Variants in PRRT2 observed in about 807,000 individuals in gnomAD.
PRRT2 encodes proline rich transmembrane protein 2.
In PRRT2, 9 loss-of-function variants were observed where a neutral mutation model predicts 24.7. The ratio of observed to expected loss-of-function variants is 0.36; its 90% CI spans 0.22 to 0.64. The LOEUF is 0.64. Ranked by LOEUF, PRRT2 falls within the 30% of genes least tolerant of loss-of-function variation. The pLI is 0.65. For synonymous variants in PRRT2, 195 were observed against 175.5 expected (o/e 1.11, Z -0.88); for missense variants, 460 against 435.0 (o/e 1.06, Z -0.51).
chr16:29,813,786 C>G lies in PRRT2; in HGVS notation c.732C>G (p.Ser244Arg). The G allele has an allele frequency of 6.2e-7, 1 of 1,605,670 alleles. No individual in the cohort carries two copies. Among genetic ancestry groups the G allele is most frequent in the Non-Finnish European group, 8.5e-7 (1 of 1,175,902 alleles). The change falls in exon 2 of 4, where the codon AGC becomes AGG. Residue 244 changes from serine to arginine, a missense_variant. Ser to Arg is a moderately radical substitution (Grantham distance 110, BLOSUM62 -1). Coordinates refer to ENST00000358758, the MANE Select transcript of PRRT2 (RefSeq NM_145239.3). ...CAGGATCTCCCCGAGGTAGCCTGAG[C>G]CGCCACCCCAGCTCCCAGTTGGCAG... ...GHPGSPRGSL[S>R]RHPSSQLAGP...
chr16:29,812,866 C>T (rs975981178), intron 1 of PRRT2, 124 bp from the exon 2 acceptor site: 1 of 596,218 alleles, frequency 1.7e-6, no homozygotes, highest in Admixed American at 3.3e-5. Flanking sequence ...GAAACCCCAA[C>T]TTTTCTTCCT....
At position 29,813,852 on chromosome 16, in the gene PRRT2, G is replaced by A. The variant is rs950332475; in HGVS notation, c.798G>A (p.Arg266=). The A allele has an allele frequency of 6.2e-7, 1 of 1,613,616 alleles. No homozygotes were observed. Among genetic ancestry groups the A allele is most frequent in the Non-Finnish European group, 8.5e-7 (1 of 1,179,798 alleles). Residue 266 remains arginine (R), a synonymous_variant, in exon 2 of 4, where the codon CGG becomes CGA. Transcript: ENST00000358758. ...GGGGTGAAGGCACCCAGAAACCTCG[G>A]GACTACATCATCCTTGCCATCCTGT... ...VEGGEGTQKP[R]DYIILAILSC... is the part of the protein sequence containing the mutation.
chr16:29,814,836 C>T lies in PRRT2; in HGVS notation c.*198C>T. ...TCTGCCAACTGTAGGCCTGCCTCAT[C>T]CCTGCACTGGTTCCAACCTCCCTGC... On this transcript the variant is annotated 3_prime_UTR_variant, in exon 4 of 4. Coordinates refer to ENST00000358758, the MANE Select transcript of PRRT2 (RefSeq NM_145239.3). This position sits in a 1 kb window ranked among gnomAD's most constrained non-coding sequence, Gnocchi z 4.1. 1 of 594,366 alleles carries T rather than the reference C, an allele frequency of 1.7e-6. No homozygotes were observed. Among genetic ancestry groups the T allele is most frequent in the Non-Finnish European group, 2.9e-6 (1 of 343,044 alleles). The allele number at this position is 594,366 out of a possible 1,614,324, so 36.8% of individuals were successfully genotyped here. A position where few individuals can be genotyped will look rare whatever the true frequency, so the allele number is the denominator to read the frequency against.
Position 29,815,172 on chromosome 16 carries a change from A to C in PRRT2, c.*534A>C. 1 of 156,426 alleles carries C rather than the reference A, an allele frequency of 6.4e-6. No individual in the cohort carries two copies. The highest frequency in any genetic ancestry group is 1.4e-5 in the Non-Finnish European group (1 of 70,468). 9.7% of individuals were successfully genotyped at this position (156,426 alleles called of 1,614,324 possible). ...CTCTTCCTGCCTCCTCATCTCCCTT[A>C]AGCATCCTCTTCTCCAACCTCCCGT... is the stretch of plus-strand genomic sequence containing the variant. On this transcript the variant is annotated 3_prime_UTR_variant, in exon 4 of 4. Coordinates refer to ENST00000358758, the MANE Select transcript of PRRT2 (RefSeq NM_145239.3).
In PRRT2 at chr16:29,815,307, A is replaced by AC. The variant is rs1900193014; in HGVS notation, c.*672dup. Reference sequence around the variant, plus strand: ...GCTCGGACTGTTCTCTGCTGGGACCACCCAGGGTCGGACACCCAAGGGTGC... The same window carrying AC: ...GCTCGGACTGTTCTCTGCTGGGACCACCCCAGGGTCGGACACCCAAGGGTGC... On this transcript the variant is annotated 3_prime_UTR_variant, in exon 4 of 4. Coordinates refer to ENST00000358758, the MANE Select transcript of PRRT2 (RefSeq NM_145239.3). 6.6e-6 allele frequency: 1 copy of AC among 152,636 alleles called. No homozygotes were observed. Among genetic ancestry groups the AC allele is most frequent in the African/African-American group, 2.4e-5 (1 of 41,386 alleles). 9.5% of individuals were successfully genotyped at this position (152,636 alleles called of 1,614,324 possible).
rs1451315262 is a variant in PRRT2, at chr16:29,813,785, G to A, written c.731G>A (p.Ser244Asn). The part of the protein sequence containing the change: ...GHPGSPRGSL[S>N]RHPSSQLAGP... ...CCAGGATCTCCCCGAGGTAGCCTGA[G>A]CCGCCACCCCAGCTCCCAGTTGGCA... Residue 244 changes from serine (S) to asparagine (N), a missense_variant, in exon 2 of 4, where the codon AGC becomes AAC. By Grantham distance (46) the Ser-to-Asn change is conservative. Coordinates refer to ENST00000358758, the MANE Select transcript of PRRT2 (RefSeq NM_145239.3). 3 of 1,606,378 alleles carry A rather than the reference G, an allele frequency of 1.9e-6. No individual in the cohort carries two copies. Among genetic ancestry groups the A allele is most frequent in the Non-Finnish European group, 2.6e-6 (3 of 1,176,198 alleles).
chr16:29,814,598 C>A lies in PRRT2; in HGVS notation c.1013-30C>A. On this transcript the variant is annotated intron_variant, in intron 3 of 3. Transcript: ENST00000358758. This position sits in a 1 kb window ranked among gnomAD's most constrained non-coding sequence, Gnocchi z 4.1. Reference sequence around the variant, plus strand: ...TGTCTCTCCTTGTCTCCCCCTCCCCCCGTCTGTCCTTCCCTCTCCTCTCCC... The same window carrying A: ...TGTCTCTCCTTGTCTCCCCCTCCCCACGTCTGTCCTTCCCTCTCCTCTCCC... 6.2e-7 allele frequency: 1 copy of A among 1,610,582 alleles called. No homozygotes were observed.
chr16:29,814,320 G>A lies in PRRT2; in HGVS notation c.880-13G>A, dbSNP rs377384734. The A allele has an allele frequency of 2.9e-5, 46 of 1,583,222 alleles. No individual in the cohort carries two copies. The highest frequency in any genetic ancestry group is 2.7e-4 in the African/African-American group (20 of 73,994). Reference sequence around the variant, plus strand: ...CCCCGGCTATGTGCCTCCACCCCTCGCCCTAACCCCAGTCCCGGAACAGCC... The same window carrying A: ...CCCCGGCTATGTGCCTCCACCCCTCACCCTAACCCCAGTCCCGGAACAGCC... On this transcript the variant is annotated splice_polypyrimidine_tract_variant and intron_variant, in intron 2 of 3. Transcript: ENST00000358758. This position sits in a 1 kb window ranked among gnomAD's most constrained non-coding sequence, Gnocchi z 4.1.
At position 29,813,485 on chromosome 16, in the gene PRRT2, C is replaced by T. The variant is rs1317648011; in HGVS notation, c.431C>T (p.Pro144Leu). 27 of 1,613,670 alleles carry T rather than the reference C, an allele frequency of 1.7e-5. No homozygotes were observed. Among genetic ancestry groups the T allele is most frequent in the Non-Finnish European group, 2.2e-5 (26 of 1,179,764 alleles). The stretch of plus-strand genomic sequence containing the variant: ...CCAGAGCCTGCTCCCCAACCAGACC[C>T]CCGGCCAGATTCCCAGCCTACCCCC... ...PAPEPAPQPDPRPDSQPTPKP... is the reference protein window; with the variant it reads ...PAPEPAPQPDLRPDSQPTPKP... Residue 144 changes from proline (P) to leucine (L), a missense_variant, in exon 2 of 4, where the codon CCC becomes CTC. Transcript: ENST00000358758.
At position 29,814,314 on chromosome 16, in the gene PRRT2, C is replaced by G; in HGVS notation, c.880-19C>G. ...TCCTGACCCCGGCTATGTGCCTCCA[C>G]CCCTCGCCCTAACCCCAGTCCCGGA... On this transcript the variant is annotated intron_variant, in intron 2 of 3. Coordinates refer to ENST00000358758, the MANE Select transcript of PRRT2 (RefSeq NM_145239.3). The surrounding 1 kb of genome is among the most constrained non-coding windows in gnomAD (Gnocchi z 4.1). 6.3e-7 allele frequency: 1 copy of G among 1,578,552 alleles called. No individual in the cohort carries two copies. The highest frequency in any genetic ancestry group is 8.6e-7 in the Non-Finnish European group (1 of 1,169,476).
Position 29,814,341 on chromosome 16 carries a change from C to T in PRRT2, c.888C>T (p.Asn296=). Residue 296 remains asparagine, a synonymous_variant, in exon 3 of 4, where the codon AAC becomes AAT. Transcript: ENST00000358758. The surrounding 1 kb of genome is among the most constrained non-coding windows in gnomAD (Gnocchi z 4.1). The stretch of plus-strand genomic sequence containing the variant: ...CCTCGCCCTAACCCCAGTCCCGGAA[C>T]AGCCTGCAGCAGGGGGACGTGGACG... The part of the protein sequence containing the change: ...VAFAYAVMSR[N]SLQQGDVDGA... The T allele has an allele frequency of 1.2e-6, 2 of 1,602,870 alleles. No individual in the cohort carries two copies. Among genetic ancestry groups the T allele is most frequent in the African/African-American group, 1.3e-5 (1 of 74,902 alleles).
chr16:29,812,998 G>T lies in PRRT2; in HGVS notation c.-57G>T. The T allele has an allele frequency of 6.6e-7, 1 of 1,522,024 alleles. No homozygotes were observed. Among genetic ancestry groups the T allele is most frequent in the Non-Finnish European group, 8.8e-7 (1 of 1,133,306 alleles). The allele number at this position is 1,522,024 out of a possible 1,614,324, so 94.3% of individuals were successfully genotyped here. A position where few individuals can be genotyped will look rare whatever the true frequency, so the allele number is the denominator to read the frequency against. On this transcript the variant is annotated 5_prime_UTR_variant, in exon 2 of 4. Transcript: ENST00000358758. ...ATCTCCTCCTCTTCCAGGGTTTGCCGCTGTCTCTGCTATTCCATCCTCCCC... is the reference window on the plus strand; with the variant it reads ...ATCTCCTCCTCTTCCAGGGTTTGCCTCTGTCTCTGCTATTCCATCCTCCCC...
In PRRT2 at chr16:29,813,643, G is replaced by T; in HGVS notation, c.589G>T (p.Ala197Ser). ...GGCTGGTGATGGGGAAGAGGGCCCA[G>T]CCCCTGAGCCTCACTCACCACCCTC... ...LQAGDGEEGPAPEPHSPPSKK... is the reference protein window; with the variant it reads ...LQAGDGEEGPSPEPHSPPSKK... The change falls in exon 2 of 4, where the codon GCC becomes TCC. Residue 197 changes from alanine to serine, a missense_variant. Physicochemically the swap from Ala to Ser is moderately conservative, Grantham distance 99. Around this residue, in one of 3 missense-constraint regions of PRRT2, gnomAD observed 378 missense variants for 324.6 expected, o/e 1.16. Transcript: ENST00000358758. The T allele has an allele frequency of 6.2e-7, 1 of 1,612,614 alleles. No homozygotes were observed. Among genetic ancestry groups the T allele is most frequent in the South Asian group, 1.1e-5 (1 of 90,980 alleles).
intron 1 of PRRT2, 93 bp from the exon 2 acceptor site, chr16:29,812,897 G>C: frequency 1.3e-6 from 1 of 760,482 alleles, no homozygotes; most frequent in South Asian, 1.8e-5. Flanking sequence ...GCAGTGCAAG[G>C]CTGGCCCTGA....
At position 29,812,216 on chromosome 16, in the gene PRRT2, G is replaced by A. The variant is rs1409450060; in HGVS notation, c.-173G>A. The A allele has an allele frequency of 6.3e-6, 1 of 158,998 alleles. No homozygotes were observed. The highest frequency in any genetic ancestry group is 1.4e-5 in the Non-Finnish European group (1 of 71,886). 9.8% of individuals were successfully genotyped at this position (158,998 alleles called of 1,614,324 possible). A position where few individuals can be genotyped will look rare whatever the true frequency, so the allele number is the denominator to read the frequency against. ...ATGAGCACACGGGAGAGGAGAAGAG[G>A]GAGACCCGCCGCCTCCCTCCCTCCC... On this transcript the variant is annotated 5_prime_UTR_variant, in exon 1 of 4. Coordinates refer to ENST00000358758, the MANE Select transcript of PRRT2 (RefSeq NM_145239.3).
In PRRT2 at chr16:29,812,983, C is replaced by A; in HGVS notation, c.-65-7C>A. 1 of 1,497,520 alleles carries A rather than the reference C, an allele frequency of 6.7e-7. No individual in the cohort carries two copies. 92.8% of individuals were successfully genotyped at this position (1,497,520 alleles called of 1,614,324 possible). A position where few individuals can be genotyped will look rare whatever the true frequency, so the allele number is the denominator to read the frequency against. ...CCTCACCCCAAGCCTATCTCCTCCT[C>A]TTCCAGGGTTTGCCGCTGTCTCTGC... On this transcript the variant is annotated splice_region_variant and splice_polypyrimidine_tract_variant and intron_variant, in intron 1 of 3. Transcript: ENST00000358758.
Position 29,814,515 on chromosome 16 carries a change from G to A in PRRT2, c.1012+50G>A. ...GGGGAGGAATGGAAGGGTTGGCAAGGGCAGCTTTACTAACCCCTGCCCCTG... is the reference window on the plus strand; with the variant it reads ...GGGGAGGAATGGAAGGGTTGGCAAGAGCAGCTTTACTAACCCCTGCCCCTG... On this transcript the variant is annotated intron_variant, in intron 3 of 3. Coordinates refer to ENST00000358758, the MANE Select transcript of PRRT2 (RefSeq NM_145239.3). This position sits in a 1 kb window ranked among gnomAD's most constrained non-coding sequence, Gnocchi z 4.1. 6.2e-7 allele frequency: 1 copy of A among 1,606,984 alleles called. No individual in the cohort carries two copies. Among genetic ancestry groups the A allele is most frequent in the Non-Finnish European group, 8.5e-7 (1 of 1,176,386 alleles).
intron 2 of PRRT2, 51 bp downstream of exon 2, chr16:29,813,984 G>A (rs371298549): frequency 1.0e-4 from 159 of 1,530,454 alleles, no homozygotes; most frequent in South Asian, 7.5e-4. Context: ...CCAGCTTCCC[G>A]CCAGCGCTGC....
rs1237572544 is a variant in PRRT2, at chr16:29,813,696, C to A, written c.642C>A (p.Ala214=). The A allele has an allele frequency of 4.6e-6, 7 of 1,520,482 alleles. No individual in the cohort carries two copies. The highest frequency in any genetic ancestry group is 1.4e-5 in the African/African-American group (1 of 71,702). 94.2% of individuals were successfully genotyped at this position (1,520,482 alleles called of 1,614,324 possible). A position where few individuals can be genotyped will look rare whatever the true frequency, so the allele number is the denominator to read the frequency against. The change falls in exon 2 of 4, where the codon GCC becomes GCA. Residue 214 remains alanine, a synonymous_variant. Coordinates refer to ENST00000358758, the MANE Select transcript of PRRT2 (RefSeq NM_145239.3). ...PSKKSPPANG[A]PPRVLQQLVE... ...AAAAATCCCCCCCAGCCAATGGGGC[C>A]CCCCCCCGAGTGCTGCAGCAGCTGG...
Sources: allele counts gnomAD v4.1 joint callset, GRCh38; gene constraint gnomAD v4.1.1; regional missense constraint gnomAD v4.1.1; non-coding constraint Gnocchi (gnomAD v3.1); transcripts MANE v1.5; gene names NCBI Gene and HGNC (gene_info 2026-07-23, HGNC 2026-07-21).